The following HMCN2 variants were observed in gnomAD, a reference collection of about 807,000 sequenced individuals.
HMCN2 encodes the protein hemicentin 2, also known as hemicentin-2.
In HMCN2, 325 loss-of-function variants were observed where a neutral mutation model predicts 377.5. The observed-to-expected ratio is 0.86, with a 90% confidence interval of 0.79 to 0.94. The LOEUF is 0.94. Among genes scored for constraint, HMCN2 ranks in the 40% least tolerant of loss-of-function variants. The pLI is 0.00. For missense variants in HMCN2, 4,543 were observed against 4,725.3 expected, an observed-to-expected ratio of 0.96 and a Z score of 1.13; for synonymous variants, 2,007 against 2,046.8, an observed-to-expected ratio of 0.98 and a Z score of 0.53.
chr9:130,330,800 A>G (rs1838385147), intron 22 of HMCN2, among the ~76,000 whole-genome samples: 1 of 151,900 alleles, frequency 6.6e-6, no homozygotes, highest in African/African-American at 2.4e-5. Context: ...CATTTTCTCG[A>G]TTCATTCTGG....
chr9:130,392,531 G>C (rs1306663380), intron 66 of HMCN2, among the ~76,000 whole-genome samples: 1 of 152,172 alleles, frequency 6.6e-6, no homozygotes, highest in Non-Finnish European at 1.5e-5. Context: ...AGTGAGCTCT[G>C]AGGGCAAAGA....
chr9:130,287,942 A>G (rs1835507981), intron 4 of HMCN2, among the ~76,000 whole-genome samples: 1 of 152,140 alleles, frequency 6.6e-6, no homozygotes, highest in African/African-American at 2.4e-5. Flanking sequence ...GTGTGTTTAG[A>G]TTAGCGTGCC....
chr9:130,410,922 C>T (rs1295564151), intron 85 of HMCN2, among the ~76,000 whole-genome samples: 1 of 152,144 alleles, frequency 6.6e-6, no homozygotes, highest in African/African-American at 2.4e-5. Context: ...CGACAGCTCT[C>T]GCATGTGCCA....
At chr9:130,408,704 C>T in intron 83 of HMCN2, 39 bp from the exon 84 acceptor site, 1 of 1,268,242 alleles carries the variant, frequency 7.9e-7, no homozygotes. Flanking sequence ...CAGCAGGCAA[C>T]CTCTTTTCTG....
rs1554935523 is a variant in HMCN2, at chr9:130,303,893, G to A, written c.1543+285G>A. 1.3e-5 allele frequency among the ~76,000 whole-genome samples: 2 copies of A among 152,200 alleles called. No homozygotes were observed. Among genetic ancestry groups the A allele is most frequent in the Non-Finnish European group, 1.5e-5 (1 of 68,040 alleles). On this transcript the variant is annotated intron_variant, in intron 10 of 97. Transcript: ENST00000683500. This position sits in a 1 kb window ranked among gnomAD's most constrained non-coding sequence, Gnocchi z 5.2. ...GACTTCTCGGGGCTCGGCTTTCAGG[G>A]GCCGCCATCCATCTCGTGGTCGGGA...
Position 130,265,931 on chromosome 9 carries a change from TGGCA to T in HMCN2, c.55_58del (p.Ala19TrpfsTer10), listed in dbSNP as rs1834066243. The T allele has an allele frequency of 6.8e-6, 1 of 146,780 alleles. No homozygotes were observed. The highest frequency in any genetic ancestry group is 1.1e-4 in the African/African-American group (1 of 8,852). 9.1% of individuals were successfully genotyped at this position (146,780 alleles called of 1,614,324 possible). ...CTGCTGACCGCGGTCTCTGCGGCAG[TGGCA>T]GTGGCAGTGGCCGGGGCGCCCGGGA... is the stretch of plus-strand genomic sequence containing the variant. On this transcript the variant is annotated frameshift_variant, in exon 1 of 98. Transcript: ENST00000683500. LOFTEE classifies it high-confidence loss of function.
At chr9:130,359,580 TC>T (rs1398600568) in intron 37 of HMCN2, among the ~76,000 whole-genome samples, 166 bp downstream of exon 37, 2 of 152,200 alleles carry the variant, frequency 1.3e-5, no homozygotes, top group Admixed American at 1.3e-4. Flanking sequence ...ACAATGTCCT[TC>T]GGGCCAAGGC....
intron 1 of HMCN2, among the ~76,000 whole-genome samples, chr9:130,279,551 C>T (rs2131257909): frequency 6.6e-6 from 1 of 152,234 alleles, no homozygotes; most frequent in South Asian, 2.1e-4. Flanking sequence ...TGAGGTTTCA[C>T]CATGTTGGCC....
At chr9:130,372,153 A>T (rs1445579109) in intron 46 of HMCN2, 141 bp from the exon 47 acceptor site, 1 of 160,346 alleles carries the variant, frequency 6.2e-6, no homozygotes, top group African/African-American at 2.4e-5. Flanking sequence ...CAGTTTGTGG[A>T]TCTGAGGAAC....
intron 4 of HMCN2, among the ~76,000 whole-genome samples, chr9:130,287,838 G>T (rs572893154): frequency 2.0e-5 from 3 of 152,204 alleles, no homozygotes; most frequent in African/African-American, 7.2e-5. Flanking sequence ...GGTGTCTGAG[G>T]CTGGCCATGG....
chr9:130,395,342 C>A lies in HMCN2; in HGVS notation c.10906C>A (p.Leu3636Met), dbSNP rs776993762. 2 of 1,287,508 alleles carry A rather than the reference C, an allele frequency of 1.6e-6. No homozygotes were observed. The highest frequency in any genetic ancestry group is 3.0e-5 in the African/African-American group (2 of 65,938). 79.8% of individuals were successfully genotyped at this position (1,287,508 alleles called of 1,614,324 possible). ...CACGTGGCACCGAGACGGCATTGTG[C>A]TGCAGGTGGGCGCCAGGCAGGGCCC... is the stretch of plus-strand genomic sequence containing the variant. Reference protein sequence around the residue: ...KITWHRDGIVLQEDAHTQFPE... With the variant: ...KITWHRDGIVMQEDAHTQFPE... Residue 3636 changes from leucine (L) to methionine (M), a missense_variant, in exon 71 of 98, where the codon CTG becomes ATG. This residue lies in a region of HMCN2 where 1,073 missense variants were observed against 1,319.5 expected (regional missense o/e 0.81). Coordinates refer to ENST00000683500, the MANE Select transcript of HMCN2 (RefSeq NM_001291815.2).
rs1215034413 is a variant in HMCN2 at position 130,398,568 on chromosome 9, C to G, written c.11344C>G (p.Pro3782Ala). The G allele has an allele frequency of 7.9e-7, 1 of 1,261,526 alleles. No individual in the cohort carries two copies. Among genetic ancestry groups the G allele is most frequent in the Admixed American group, 2.4e-5 (1 of 41,904 alleles). 78.1% of individuals were successfully genotyped at this position (1,261,526 alleles called of 1,614,324 possible). The stretch of plus-strand genomic sequence containing the variant: ...CTCCCCAGAGCCTCCAGCCATCGCC[C>G]CCAGCCCCTCCAACCTGACCCTGAC... ...LRVLEPPAIA[P>A]SPSNLTLTAH... is the part of the protein sequence containing the mutation. The change falls in exon 75 of 98, where the codon CCC becomes GCC. Residue 3782 changes from proline (P) to alanine (A), a missense_variant. Transcript: ENST00000683500.
chr9:130,285,450 C>A, intron 3 of HMCN2, 134 bp downstream of exon 3: 1 of 375,568 alleles, frequency 2.7e-6, no homozygotes, highest in South Asian at 1.9e-5. Context: ...TTGGGTCCAG[C>A]CTCTGCCATG....
At chr9:130,293,000 A>AT (rs1554930578) in intron 4 of HMCN2, among the ~76,000 whole-genome samples, 33 of 93,686 alleles carry the variant, frequency 3.5e-4, no homozygotes, top group East Asian at 2.5e-3. Flanking sequence ...CTATCTATCT[A>AT]CCTACCTACC....
At chr9:130,384,986 G>A (rs1841940805) in intron 59 of HMCN2, among the ~76,000 whole-genome samples, 188 bp downstream of exon 59, 1 of 152,174 alleles carries the variant, frequency 6.6e-6, no homozygotes, top group Admixed American at 6.5e-5. Flanking sequence ...TGGGGAAGGG[G>A]CCTCCCCAAG....
chr9:130,266,988 C>T (rs574206448), intron 1 of HMCN2, among the ~76,000 whole-genome samples: 2 of 152,158 alleles, frequency 1.3e-5, no homozygotes, highest in South Asian at 4.1e-4. Flanking sequence ...CTCTGTCACC[C>T]AGGCTGGAGT....
intron 1 of HMCN2, among the ~76,000 whole-genome samples, chr9:130,276,437 G>A (rs1834699281): frequency 6.6e-6 from 1 of 152,220 alleles, no homozygotes. Flanking sequence ...ACTCCAGGCA[G>A]AGGGAACAGC....
intron 8 of HMCN2, among the ~76,000 whole-genome samples, chr9:130,302,084 C>G (rs1836546784): frequency 6.9e-6 from 1 of 144,374 alleles, no homozygotes; most frequent in African/African-American, 2.7e-5. Flanking sequence ...CTCTGTAGCC[C>G]AGGCTGGAGT....
Position 130,360,113 on chromosome 9 carries a change from GCTT to G in HMCN2, c.5774-309_5774-307del, listed in dbSNP as rs1445676763. 1.3e-5 allele frequency among the ~76,000 whole-genome samples: 2 copies of G among 152,098 alleles called. No individual in the cohort carries two copies. On this transcript the variant is annotated intron_variant, in intron 37 of 97. Coordinates refer to ENST00000683500, the MANE Select transcript of HMCN2 (RefSeq NM_001291815.2). The surrounding 1 kb of genome is among the most constrained non-coding windows in gnomAD (Gnocchi z 4.7). Reference sequence around the variant, plus strand: ...GGCTGCCTCAGCCTCTGCCCACGGGGCTTCTTCTCCACCCTTGGTCCTGTCTTG... The same window carrying G: ...GGCTGCCTCAGCCTCTGCCCACGGGGCTTCTCCACCCTTGGTCCTGTCTTG...
Sources: allele counts gnomAD v4.1 joint callset (sites outside exome capture counted in the v4.1 genomes callset), GRCh38; gene constraint gnomAD v4.1.1; regional missense constraint gnomAD v4.1.1; non-coding constraint Gnocchi (gnomAD v3.1); transcripts MANE v1.5; gene names NCBI Gene and HGNC (gene_info 2026-07-23, HGNC 2026-07-21).